SGCZ: variants seen among roughly 807,000 people sequenced by gnomAD.
The protein encoded by SGCZ is zeta-sarcoglycan.
SGCZ carries 40 observed loss-of-function variants against 41.3 expected under a neutral mutation model. The observed-to-expected ratio is 0.97, with a 90% CI of 0.75 to 1.26. SGCZ has a LOEUF of 1.26. Among genes scored for constraint, SGCZ ranks in the 50% most tolerant of loss-of-function variants. The pLI is 0.00. For missense variants in SGCZ, 552 were observed against 369.8 expected (o/e 1.49, Z -4.04); for synonymous variants, 206 against 137.5 (o/e 1.50, Z -3.49).
At chr8:15,188,894 GAAGA>G (rs1191490064) in intron 1 of SGCZ, among the ~76,000 whole-genome samples, 2 of 152,070 alleles carry the variant, frequency 1.3e-5, no homozygotes, top group African/African-American at 4.8e-5. Context: ...AGGAAAAAAA[GAAGA>G]AAGAAGCTAC....
intron 1 of SGCZ, among the ~76,000 whole-genome samples, chr8:15,045,113 T>G (rs995282401): frequency 6.6e-6 from 1 of 151,924 alleles, no homozygotes; most frequent in African/African-American, 2.4e-5. Flanking sequence ...ATATGGTTAA[T>G]AAATATTACA....
chr8:14,580,551 A>G (rs1804853588), intron 1 of SGCZ, among the ~76,000 whole-genome samples: 1 of 152,186 alleles, frequency 6.6e-6, no homozygotes, highest in Non-Finnish European at 1.5e-5. Context: ...CAAACAAATA[A>G]ATTGTAATAG....
intron 4 of SGCZ, among the ~76,000 whole-genome samples, chr8:14,197,043 C>G (rs1475898758): frequency 1.3e-5 from 2 of 151,924 alleles, no homozygotes; most frequent in Admixed American, 6.6e-5. Flanking sequence ...AATGGTTGCA[C>G]AACTGTAAAT....
chr8:14,291,087 A>T (rs6530759), intron 3 of SGCZ, among the ~76,000 whole-genome samples: 114,368 of 151,920 alleles, frequency 0.75, 43,500 homozygotes, highest in Non-Finnish European at 0.8. Context: ...AGGCACAGAA[A>T]GATATCACTC....
At chr8:14,389,368 G>T (rs1316662662) in intron 2 of SGCZ, among the ~76,000 whole-genome samples, 2 of 150,578 alleles carry the variant, frequency 1.3e-5, no homozygotes, top group Non-Finnish European at 3.0e-5. Context: ...GATTAAAAAA[G>T]TAAATCATGT....
chr8:14,281,712 G>A (rs1283164726), intron 3 of SGCZ, among the ~76,000 whole-genome samples: 1 of 151,954 alleles, frequency 6.6e-6, no homozygotes, highest in Non-Finnish European at 1.5e-5. Context: ...TAATCTGAGA[G>A]AACAACAAGG....
rs140183772 is a variant in SGCZ at position 15,192,297 on chromosome 8, T to C, written c.39+45288A>G. On this transcript the variant is annotated intron_variant, in intron 1 of 7. Transcript: ENST00000382080. ...ACACAGCTTTAGCTACTTCGGAACA[T>C]TGTTTTGATGAGTAATGTGGGAAGA... is the stretch of plus-strand genomic sequence containing the variant. Among the ~76,000 whole-genome samples the C allele has an allele frequency of 4.3e-3, 650 of 152,172 alleles. 3 individuals are homozygous for C. The highest frequency in any genetic ancestry group is 5.7e-3 in the Non-Finnish European group (390 of 67,986).
At chr8:14,469,588 A>G (rs747433155) in intron 2 of SGCZ, among the ~76,000 whole-genome samples, 9 of 152,066 alleles carry the variant, frequency 5.9e-5, no homozygotes, top group Non-Finnish European at 1.2e-4. Flanking sequence ...TTTGTACGCT[A>G]CTGATGGAAT....
At chr8:14,138,806 T>C (rs1431107752) in intron 5 of SGCZ, among the ~76,000 whole-genome samples, 1 of 152,034 alleles carries the variant, frequency 6.6e-6, no homozygotes, top group East Asian at 1.9e-4. Flanking sequence ...AACAAGGATA[T>C]CCCGGACTTG....
intron 5 of SGCZ, among the ~76,000 whole-genome samples, chr8:14,115,576 A>G (rs1802498035): frequency 1.3e-5 from 2 of 152,016 alleles, no homozygotes; most frequent in South Asian, 4.1e-4. Flanking sequence ...TTTTGTCTTA[A>G]GATTTGGACA....
intron 1 of SGCZ, among the ~76,000 whole-genome samples, chr8:14,857,273 C>A (rs1803573698): frequency 6.6e-6 from 1 of 152,148 alleles, no homozygotes; most frequent in African/African-American, 2.4e-5. Context: ...CAGTACTGAA[C>A]CTCACTTAAA....
intron 2 of SGCZ, among the ~76,000 whole-genome samples, chr8:14,488,304 A>G (rs1271044321): frequency 1.3e-5 from 2 of 152,250 alleles, no homozygotes; most frequent in South Asian, 4.1e-4. Flanking sequence ...TGTATTATGG[A>G]TAAAAGTTTG....
At chr8:14,108,142 G>A in intron 6 of SGCZ, 21 bp downstream of exon 6, 1 of 1,611,386 alleles carries the variant, frequency 6.2e-7, no homozygotes, top group Non-Finnish European at 8.5e-7. Context: ...TTATGCCACA[G>A]GTATAAGAGG....
intron 4 of SGCZ, 132 bp downstream of exon 4, chr8:14,237,460 G>C (rs1806803587): frequency 2.4e-6 from 2 of 826,826 alleles, no homozygotes; most frequent in Non-Finnish European, 3.9e-6. Context: ...CTCCAGCCTG[G>C]TGACAGAGTG....
rs2117224463 is a variant in SGCZ, at chr8:15,237,720, T to G, written c.-97A>C. 7.4e-7 allele frequency: 1 copy of G among 1,346,276 alleles called. No homozygotes were observed. The highest frequency in any genetic ancestry group is 1.0e-6 in the Non-Finnish European group (1 of 965,242). 83.4% of individuals were successfully genotyped at this position (1,346,276 alleles called of 1,614,324 possible). On this transcript the variant is annotated 5_prime_UTR_variant, in exon 1 of 8. Coordinates refer to ENST00000382080, the MANE Select transcript of SGCZ (RefSeq NM_139167.4). ...CAGCTTAAACTCAGCTTTATCCTCC[T>G]CCAAGCCCCGGCAGCTCCTCTCAGT...
intron 1 of SGCZ, among the ~76,000 whole-genome samples, chr8:14,595,688 A>G (rs1285924722): frequency 1.3e-5 from 2 of 152,152 alleles, no homozygotes; most frequent in African/African-American, 4.8e-5. Flanking sequence ...TCCACCTTTA[A>G]CATCCTCTGC....
In SGCZ at chr8:14,537,886, T is replaced by C. The variant is rs541322046; in HGVS notation, c.234+16846A>G. 3.3e-5 allele frequency among the ~76,000 whole-genome samples: 5 copies of C among 152,024 alleles called. No individual in the cohort carries two copies. In the East Asian group the frequency reaches 7.8e-4, roughly 24 times the overall value. On this transcript the variant is annotated intron_variant, in intron 2 of 7. Transcript: ENST00000382080. Reference sequence around the variant, plus strand: ...GGAGGAAGGTGCATGGAGAAATGAATCGATAAAAATAGAAAGAGACCCTCT... The same window carrying C: ...GGAGGAAGGTGCATGGAGAAATGAACCGATAAAAATAGAAAGAGACCCTCT...
chr8:15,107,593 G>A (rs919685424), intron 1 of SGCZ, among the ~76,000 whole-genome samples: 3 of 152,130 alleles, frequency 2.0e-5, no homozygotes, highest in Non-Finnish European at 2.9e-5. Flanking sequence ...CCAAGCAATT[G>A]CCAGCACCAT....
chr8:15,008,298 T>G (rs1394978313), intron 1 of SGCZ, among the ~76,000 whole-genome samples: 1 of 152,104 alleles, frequency 6.6e-6, no homozygotes, highest in Non-Finnish European at 1.5e-5. Flanking sequence ...GTCCATTAAG[T>G]TTCTGTCATG....
Sources: allele counts gnomAD v4.1 joint callset (sites outside exome capture counted in the v4.1 genomes callset), GRCh38; gene constraint gnomAD v4.1.1; transcripts MANE v1.5; gene names NCBI Gene and HGNC (gene_info 2026-07-23, HGNC 2026-07-21).